Variants in SNX9 observed in about 807,000 individuals in gnomAD.
SNX9 encodes sorting nexin-9.
SNX9 carries 44 observed loss-of-function variants against 89.4 expected under a neutral mutation model. That is an observed-to-expected ratio of 0.49 (90% CI 0.39 to 0.63). SNX9 has a LOEUF of 0.63. SNX9 is among the 30% of genes least tolerant of loss of function. The probability of loss-of-function intolerance (pLI) is 0.00; values close to 1 mark genes in which losing one functional copy is unlikely to be tolerated. For synonymous variants in SNX9, 236 were observed against 247.8 expected, an observed-to-expected ratio of 0.95 and a Z score of 0.45; for missense variants, 578 against 736.1, an observed-to-expected ratio of 0.79 and a Z score of 2.49.
intron 4 of SNX9, among the ~76,000 whole-genome samples, chr6:157,896,537 G>C (rs1005573945): frequency 1.3e-5 from 2 of 152,204 alleles, no homozygotes; most frequent in Admixed American, 1.3e-4. Context: ...TGGAGAGAAA[G>C]AAAGAGAGGG....
At chr6:157,906,932 C>T (rs996496253) in intron 7 of SNX9, among the ~76,000 whole-genome samples, 1 of 152,156 alleles carries the variant, frequency 6.6e-6, no homozygotes, top group Non-Finnish European at 1.5e-5. Context: ...TGTTCTCATC[C>T]TGGACTCAAT....
rs1327445873 is a variant in SNX9 at position 157,875,130 on chromosome 6, C to A, written c.254C>A (p.Ala85Asp). The change falls in exon 4 of 18, where the codon GCC (alanine) becomes GAC (aspartate). Residue 85 changes from alanine (A) to aspartate (D), a missense_variant. Coordinates refer to ENST00000392185, the MANE Select transcript of SNX9 (RefSeq NM_016224.5). ...ADQAFLDSLS[A>D]STAQASSSAA... ...CAAGCCTTCCTTGATTCTCTCTCAG[C>A]CAGCACAGCTCAGGCCAGTTCGTCG... is the stretch of plus-strand genomic sequence containing the variant. The A allele has an allele frequency of 6.2e-7, 1 of 1,613,976 alleles. No homozygotes were observed. Among genetic ancestry groups the A allele is most frequent in the Non-Finnish European group, 8.5e-7 (1 of 1,179,996 alleles).
intron 9 of SNX9, among the ~76,000 whole-genome samples, chr6:157,910,903 C>T (rs914254087): frequency 6.6e-6 from 1 of 152,044 alleles, no homozygotes; most frequent in Non-Finnish European, 1.5e-5. Context: ...GGGCGGATCA[C>T]GAGGTCAGGA....
chr6:157,827,913 G>A (rs1781412078), intron 1 of SNX9, among the ~76,000 whole-genome samples: 2 of 146,748 alleles, frequency 1.4e-5, no homozygotes, highest in South Asian at 4.3e-4. Flanking sequence ...TTATACACAT[G>A]TGTTACACAG....
At chr6:157,898,615 AATACT>A (rs1426844978) in intron 5 of SNX9, among the ~76,000 whole-genome samples, 4 of 152,226 alleles carry the variant, frequency 2.6e-5, no homozygotes, top group Admixed American at 2.0e-4. Context: ...TATGAATAGA[AATACT>A]GAGGCAGAAG....
chr6:157,888,684 G>A (rs192335665), intron 4 of SNX9, among the ~76,000 whole-genome samples: 3 of 152,264 alleles, frequency 2.0e-5, no homozygotes, highest in Admixed American at 2.0e-4. Flanking sequence ...TTGAACACAA[G>A]AGGAAATAAA....
chr6:157,922,944 G>A (rs1209062524), intron 10 of SNX9, among the ~76,000 whole-genome samples: 1 of 152,158 alleles, frequency 6.6e-6, no homozygotes, highest in African/African-American at 2.4e-5. Context: ...TGCCTTCCTG[G>A]TTCCCACAAG....
chr6:157,904,267 T>G (rs964506157), intron 6 of SNX9, among the ~76,000 whole-genome samples: 2 of 152,054 alleles, frequency 1.3e-5, no homozygotes, highest in Non-Finnish European at 2.9e-5. Context: ...AACCTCAATC[T>G]GTACCAAAAA....
At chr6:157,829,177 T>C (rs532383596) in intron 1 of SNX9, 56 of 141,710 alleles carry the variant, frequency 4.0e-4, no homozygotes, top group African/African-American at 1.6e-3. Flanking sequence ...TAATCAATTT[T>C]ACTAATGATT....
intron 1 of SNX9, among the ~76,000 whole-genome samples, chr6:157,857,448 A>T (rs1782034206): frequency 6.6e-6 from 1 of 152,000 alleles, no homozygotes; most frequent in Non-Finnish European, 1.5e-5. Context: ...TAGATATGTG[A>T]TTACCTTTTT....
chr6:157,850,073 G>T (rs1781879675), intron 1 of SNX9, among the ~76,000 whole-genome samples: 1 of 152,222 alleles, frequency 6.6e-6, no homozygotes, highest in Admixed American at 6.5e-5. Context: ...AGGTGGAAAG[G>T]AAGGAAGAAA....
chr6:157,896,985 C>T lies in SNX9; in HGVS notation c.459C>T (p.Ala153=). 6.3e-7 allele frequency: 1 copy of T among 1,599,648 alleles called. No individual in the cohort carries two copies. The highest frequency in any genetic ancestry group is 8.5e-7 in the Non-Finnish European group (1 of 1,175,576). The change falls in exon 5 of 18, where the codon GCC becomes GCT. Residue 153 remains alanine (A), a synonymous_variant. Transcript: ENST00000392185. The part of the protein sequence containing the change: ...NWDTAFGHPQ[A]YQGPATGDDD... The stretch of plus-strand genomic sequence containing the variant: ...ACACTGCCTTCGGCCACCCCCAGGC[C>T]TACCAAGGACCAGGTGAGGAGAGGG...
At chr6:157,842,968 A>C (rs1781731722) in intron 1 of SNX9, among the ~76,000 whole-genome samples, 1 of 152,206 alleles carries the variant, frequency 6.6e-6, no homozygotes, top group Non-Finnish European at 1.5e-5. Context: ...TTCAGAGTCA[A>C]ACCATGGATC....
chr6:157,872,948 T>TTAA, intron 2 of SNX9, 154 bp from the exon 3 acceptor site: 3 of 503,772 alleles, frequency 6.0e-6, no homozygotes, highest in Non-Finnish European at 1.0e-5. Context: ...AAGAGAAGGC[T>TTAA]TAAGAATTTA....
intron 9 of SNX9, among the ~76,000 whole-genome samples, chr6:157,915,822 CAAAA>C (rs570701086): frequency 1.1e-5 from 1 of 89,376 alleles, no homozygotes; most frequent in Non-Finnish European, 2.3e-5. Context: ...TAGACTCTGT[CAAAA>C]AAAAAAAAAA....
At chr6:157,873,269 C>A in intron 3 of SNX9, 93 bp downstream of exon 3, 1 of 909,480 alleles carries the variant, frequency 1.1e-6, no homozygotes, top group Non-Finnish European at 1.6e-6. Context: ...CAACTTTTTG[C>A]AAAACAAAAT....
At chr6:157,903,484 C>A (rs544640093) in intron 6 of SNX9, among the ~76,000 whole-genome samples, 3 of 152,294 alleles carry the variant, frequency 2.0e-5, no homozygotes, top group African/African-American at 7.2e-5. Flanking sequence ...TCTTGTTAGT[C>A]AACTGTGTCT....
chr6:157,875,719 A>G (rs762725745), intron 4 of SNX9, among the ~76,000 whole-genome samples: 2 of 152,344 alleles, frequency 1.3e-5, no homozygotes, highest in Non-Finnish European at 2.9e-5. Context: ...ACTTGAGAAG[A>G]ATACAAGGAA....
At chr6:157,832,061 G>A (rs1174126011) in intron 1 of SNX9, among the ~76,000 whole-genome samples, 1 of 152,170 alleles carries the variant, frequency 6.6e-6, no homozygotes, top group Non-Finnish European at 1.5e-5. Context: ...ACTATTAAAA[G>A]CACATGATAG....
Sources: gnomAD v4.1 joint callset for allele counts (sites outside exome capture counted in the v4.1 genomes callset) on GRCh38, gnomAD v4.1.1 for gene constraint, MANE v1.5 for transcripts, NCBI Gene and HGNC (gene_info 2026-07-23, HGNC 2026-07-21) for gene names.